MAP3K14: variants seen among roughly 807,000 people sequenced by gnomAD.
The protein encoded by MAP3K14 is NF-kappa-beta-inducing kinase.
A neutral mutation model predicts 99.2 loss-of-function variants in MAP3K14; 16 were observed. The ratio of observed to expected loss-of-function variants is 0.16; its 90% CI spans 0.11 to 0.24. The LOEUF (loss-of-function observed/expected upper bound fraction) is 0.24, where lower values mean the gene tolerates loss of function less well. Ranked by LOEUF, MAP3K14 falls within the 10% of genes least tolerant of loss-of-function variation. The probability of loss-of-function intolerance (pLI) is 1.00; values close to 1 mark genes in which losing one functional copy is unlikely to be tolerated. For synonymous variants in MAP3K14, 462 were observed against 492.4 expected (o/e 0.94, Z 0.82); for missense variants, 784 against 1,208.7 (o/e 0.65, Z 5.21).
chr17:45,298,455 CA>C (rs1385905438), intron 1 of MAP3K14, among the ~76,000 whole-genome samples: 1 of 152,066 alleles, frequency 6.6e-6, no homozygotes, highest in Non-Finnish European at 1.5e-5. Flanking sequence ...CTAAAAGAAA[CA>C]AAACAAAATT....
In MAP3K14 at chr17:45,287,348, C is replaced by T; in HGVS notation, c.343G>A (p.Asp115Asn). Residue 115 changes from aspartate (D) to asparagine (N), a missense_variant, in exon 4 of 16, where the codon GAT becomes AAT. By Grantham distance (23) the Asp-to-Asn change is conservative. Transcript: ENST00000344686. Reference protein sequence around the residue: ...SKQYSQSESLDQIPNNVAHAT... With the variant: ...SKQYSQSESLNQIPNNVAHAT... ...TGGGCCACATTGTTGGGGATCTGAT[C>T]AAGACTCTCGGACTGGCTGTCACAA... The T allele has an allele frequency of 6.2e-7, 1 of 1,613,992 alleles. No individual in the cohort carries two copies. Among genetic ancestry groups the T allele is most frequent in the South Asian group, 1.1e-5 (1 of 91,072 alleles).
Position 45,267,267 on chromosome 17 carries a change from C to T in MAP3K14, c.2327-69G>A. The T allele has an allele frequency of 2.2e-6, 3 of 1,388,980 alleles. No individual in the cohort carries two copies. The highest frequency in any genetic ancestry group is 3.0e-6 in the Non-Finnish European group (3 of 998,598). 86.0% of individuals were successfully genotyped at this position (1,388,980 alleles called of 1,614,324 possible). A position where few individuals can be genotyped will look rare whatever the true frequency, so the allele number is the denominator to read the frequency against. On this transcript the variant is annotated intron_variant, in intron 12 of 15. Transcript: ENST00000344686. This position sits in a 1 kb window ranked among gnomAD's most constrained non-coding sequence, Gnocchi z 5.1. ...GCTGGCTGTGTTTTCAGGGGTTCTT[C>T]CTGCACAGTCGGTAGAAGCTGAGCT... is the stretch of plus-strand genomic sequence containing the variant.
intron 1 of MAP3K14, among the ~76,000 whole-genome samples, chr17:45,306,989 G>A (rs1205578140): frequency 6.6e-6 from 1 of 152,208 alleles, no homozygotes; most frequent in East Asian, 1.9e-4. Flanking sequence ...CGGGAGTGGT[G>A]GCTCACACCT....
At chr17:45,311,011 T>TA (rs906294621) in intron 1 of MAP3K14, among the ~76,000 whole-genome samples, 27 of 148,918 alleles carry the variant, frequency 1.8e-4, no homozygotes, top group South Asian at 4.3e-4. Context: ...GAAGCTAGTT[T>TA]AAAAAAAAAA....
chr17:45,297,356 C>T (rs775599382), intron 1 of MAP3K14, among the ~76,000 whole-genome samples: 6 of 152,152 alleles, frequency 3.9e-5, no homozygotes, highest in African/African-American at 1.4e-4. Flanking sequence ...AGGAAGCAGA[C>T]GAAGATCCCT....
chr17:45,285,911 G>A (rs1053002733), intron 5 of MAP3K14, among the ~76,000 whole-genome samples: 1 of 144,674 alleles, frequency 6.9e-6, no homozygotes, highest in Non-Finnish European at 1.5e-5. Context: ...ATGATTGTAC[G>A]ACTGCACTCC....
chr17:45,294,086 G>A (rs997079741), intron 1 of MAP3K14, among the ~76,000 whole-genome samples: 10 of 152,218 alleles, frequency 6.6e-5, no homozygotes, highest in Non-Finnish European at 1.2e-4. Context: ...TGCCTTTGAA[G>A]GCAAGTCAAA....
chr17:45,287,299 C>A lies in MAP3K14; in HGVS notation c.392G>T (p.Arg131Leu), dbSNP rs368399230. The change falls in exon 4 of 16, where the codon CGT becomes CTT. Residue 131 changes from arginine to leucine, a missense_variant. Physicochemically the swap from Arg to Leu is moderately radical, Grantham distance 102. Transcript: ENST00000344686. ...VAHATEGKMA[R>L]VCWKGKRRSK... Reference sequence around the variant, plus strand: ...GCGACGCTTTCCCTTCCAACACACACGGGCCATTTTGCCCTCTGTAGCATG... The same window carrying A: ...GCGACGCTTTCCCTTCCAACACACAAGGGCCATTTTGCCCTCTGTAGCATG... 3 of 1,614,058 alleles carry A rather than the reference C, an allele frequency of 1.9e-6. No homozygotes were observed. The highest frequency in any genetic ancestry group is 1.7e-5 in the Admixed American group (1 of 60,036).
At chr17:45,301,207 T>C (rs1001403632) in intron 1 of MAP3K14, among the ~76,000 whole-genome samples, 4 of 150,356 alleles carry the variant, frequency 2.7e-5, no homozygotes, top group African/African-American at 9.8e-5. Context: ...CTCACGCCTG[T>C]AATCCCAACA....
chr17:45,304,240 A>C (rs1444105933), intron 1 of MAP3K14, among the ~76,000 whole-genome samples: 1 of 151,472 alleles, frequency 6.6e-6, no homozygotes, highest in Non-Finnish European at 1.5e-5. Context: ...CTGACCTCAA[A>C]CAATCCACCC....
Position 45,286,589 on chromosome 17 carries a change from A to G in MAP3K14, c.994T>C (p.Ser332Pro). The G allele has an allele frequency of 6.2e-7, 1 of 1,611,518 alleles. No homozygotes were observed. Residue 332 changes from serine (S) to proline (P), a missense_variant, in exon 5 of 16, where the codon TCT becomes CCT. Transcript: ENST00000344686. This position sits in a 1 kb window ranked among gnomAD's most constrained non-coding sequence, Gnocchi z 4.1. ...CLSRGAHEKFSVEEYLVHALQ... is the reference protein window; with the variant it reads ...CLSRGAHEKFPVEEYLVHALQ... ...GCATGCACTAGGTATTCCTCCACAGAAAACTTCTCATGGGCACCACGAGAC... is the reference window on the plus strand; with the variant it reads ...GCATGCACTAGGTATTCCTCCACAGGAAACTTCTCATGGGCACCACGAGAC...
In MAP3K14 at chr17:45,263,948, C is replaced by T. The variant is rs1386764667; in HGVS notation, c.*688G>A. 6.6e-6 allele frequency: 1 copy of T among 152,364 alleles called. No individual in the cohort carries two copies. The highest frequency in any genetic ancestry group is 6.5e-5 in the Admixed American group (1 of 15,286). The allele number at this position is 152,364 out of a possible 1,614,324, so 9.4% of individuals were successfully genotyped here. On this transcript the variant is annotated 3_prime_UTR_variant, in exon 16 of 16. Coordinates refer to ENST00000344686, the MANE Select transcript of MAP3K14 (RefSeq NM_003954.5). ...CAGCAAAGGGGCACATGTCTGGGGA[C>T]TGAGAACCACTTCACTTACACACCT...
At chr17:45,315,452 G>A (rs926161626) in intron 1 of MAP3K14, among the ~76,000 whole-genome samples, 1 of 152,120 alleles carries the variant, frequency 6.6e-6, no homozygotes, top group African/African-American at 2.4e-5. Flanking sequence ...GATCTTCTGA[G>A]AAGTTCTCCA....
chr17:45,270,746 GT>G (rs1202165238), intron 10 of MAP3K14, 183 bp from the exon 11 acceptor site: 4 of 938,048 alleles, frequency 4.3e-6, no homozygotes, highest in Non-Finnish European at 6.2e-6. Context: ...AATGGAGCCA[GT>G]AAAACAGGCC....
chr17:45,293,143 T>C (rs1463492409), intron 1 of MAP3K14, among the ~76,000 whole-genome samples: 1 of 152,224 alleles, frequency 6.6e-6, no homozygotes, highest in East Asian at 1.9e-4. Context: ...AAGATTGCTT[T>C]TCCATAACCT....
chr17:45,289,494 C>T (rs2044294361), intron 2 of MAP3K14, among the ~76,000 whole-genome samples, 189 bp from the exon 3 acceptor site: 1 of 152,164 alleles, frequency 6.6e-6, no homozygotes, highest in South Asian at 2.1e-4. Context: ...TCTCAGCTTA[C>T]TGGTCAAGAG....
Position 45,286,383 on chromosome 17 carries a change from C to T in MAP3K14, c.1152+48G>A, listed in dbSNP as rs778702077. On this transcript the variant is annotated intron_variant, in intron 5 of 15. Coordinates refer to ENST00000344686, the MANE Select transcript of MAP3K14 (RefSeq NM_003954.5). This position sits in a 1 kb window ranked among gnomAD's most constrained non-coding sequence, Gnocchi z 4.1. ...TCTGATAAAGAGAGAAAAGCATCCC[C>T]CAGGTTGCTGGTAGAGGGACATATA... The T allele has an allele frequency of 4.6e-5, 70 of 1,510,392 alleles. No homozygotes were observed. The highest frequency in any genetic ancestry group is 3.9e-5 in the Non-Finnish European group (44 of 1,127,226). The allele number at this position is 1,510,392 out of a possible 1,614,324, so 93.6% of individuals were successfully genotyped here.
At chr17:45,283,498 C>G (rs2044239790) in intron 6 of MAP3K14, among the ~76,000 whole-genome samples, 2 of 152,196 alleles carry the variant, frequency 1.3e-5, no homozygotes, top group African/African-American at 4.8e-5. Flanking sequence ...AGCCCAAGTA[C>G]ACACCAGGGA....
intron 1 of MAP3K14, among the ~76,000 whole-genome samples, chr17:45,293,694 G>A (rs1311445125): frequency 1.3e-5 from 2 of 152,170 alleles, no homozygotes; most frequent in African/African-American, 4.8e-5. Flanking sequence ...TCCTGTGGCT[G>A]GCTTTTCTGT....
Sources: gnomAD v4.1 joint callset for allele counts (sites outside exome capture counted in the v4.1 genomes callset) on GRCh38, gnomAD v4.1.1 for gene constraint, Gnocchi (gnomAD v3.1) non-coding constraint, MANE v1.5 for transcripts, NCBI Gene and HGNC (gene_info 2026-07-23, HGNC 2026-07-21) for gene names.